SMYD3: variants seen among roughly 807,000 people sequenced by gnomAD.
The protein encoded by SMYD3 is histone-lysine N-methyltransferase SMYD3.
In SMYD3, 36 loss-of-function variants were observed where a neutral mutation model predicts 57.7. The ratio of observed to expected loss-of-function variants is 0.62; its 90% CI spans 0.48 to 0.82. The LOEUF (loss-of-function observed/expected upper bound fraction) is 0.82, where lower values mean the gene tolerates loss of function less well. Ranked by LOEUF, SMYD3 falls within the 40% of genes least tolerant of loss-of-function variation. The pLI is 0.00. For missense variants in SMYD3, 515 were observed against 538.8 expected, an observed-to-expected ratio of 0.96 and a Z score of 0.44; for synonymous variants, 211 against 195.0, an observed-to-expected ratio of 1.08 and a Z score of -0.68.
At position 245,920,129 on chromosome 1, in the gene SMYD3, C is replaced by T. The variant is rs113004577; in HGVS notation, c.703-4489G>A. The stretch of plus-strand genomic sequence containing the variant: ...GAGATTGAGACCATCCTGGCTAACA[C>T]GGTGAAACCCCGTCTCTACTAAAAA... On this transcript the variant is annotated intron_variant, in intron 7 of 11. Transcript: ENST00000490107. Among the ~76,000 whole-genome samples the T allele has an allele frequency of 4.6e-3, 692 of 151,976 alleles. 8 individuals are homozygous for T. The highest frequency in any genetic ancestry group is 6.1e-3 in the African/African-American group (254 of 41,452).
intron 1 of SMYD3, among the ~76,000 whole-genome samples, chr1:246,501,988 C>T (rs1440173871): frequency 6.6e-6 from 1 of 152,192 alleles, no homozygotes; most frequent in African/African-American, 2.4e-5. Context: ...CTTCTTCTTA[C>T]CCTCATATAT....
At chr1:246,457,217 A>G (rs2067710972) in intron 1 of SMYD3, among the ~76,000 whole-genome samples, 1 of 152,192 alleles carries the variant, frequency 6.6e-6, no homozygotes, top group Admixed American at 6.5e-5. Flanking sequence ...AAGGGTAAGA[A>G]TAGAGAAAAA....
At chr1:246,470,547 T>A (rs1049857860) in intron 1 of SMYD3, among the ~76,000 whole-genome samples, 2 of 148,264 alleles carry the variant, frequency 1.3e-5, no homozygotes, top group Admixed American at 6.7e-5. Flanking sequence ...TATATACACA[T>A]ACATACACTA....
chr1:246,023,942 TA>T (rs2059525230), intron 5 of SMYD3, among the ~76,000 whole-genome samples: 1 of 151,952 alleles, frequency 6.6e-6, no homozygotes. Context: ...ATGATTTGGT[TA>T]AAAAAATAAA....
At chr1:246,320,853 A>G (rs1318155169) in intron 5 of SMYD3, among the ~76,000 whole-genome samples, 2 of 152,236 alleles carry the variant, frequency 1.3e-5, no homozygotes, top group African/African-American at 4.8e-5. Flanking sequence ...TAGAATAGAG[A>G]AATACAATAC....
chr1:246,076,235 G>A (rs189133780), intron 5 of SMYD3, among the ~76,000 whole-genome samples: 48 of 152,142 alleles, frequency 3.2e-4, no homozygotes, highest in African/African-American at 8.9e-4. Flanking sequence ...TACCAAACCC[G>A]TCTCTACTTC....
At chr1:246,041,235 T>C (rs142256026) in intron 5 of SMYD3, among the ~76,000 whole-genome samples, 26 of 152,228 alleles carry the variant, frequency 1.7e-4, no homozygotes, top group African/African-American at 5.8e-4. Context: ...AGCTATGAAG[T>C]TGCCTGAAGA....
rs559925910 is a variant in SMYD3 at position 245,999,871 on chromosome 1, A to G, written c.532-69934T>C. ...AAATCTGCTTTAAAATCCTGGCTCA[A>G]TGACTTACTTTGCTTACTTCTTCAT... On this transcript the variant is annotated intron_variant, in intron 5 of 11. Coordinates refer to ENST00000490107, the MANE Select transcript of SMYD3 (RefSeq NM_001167740.2). Among the ~76,000 whole-genome samples, 17 of 152,328 alleles carry G rather than the reference A, an allele frequency of 1.1e-4. No individual in the cohort carries two copies. In the South Asian group the frequency reaches 2.3e-3, roughly 20 times the overall value.
In SMYD3 at chr1:246,433,824, A is replaced by G. The variant is rs145365949; in HGVS notation, c.164+73230T>C. Among the ~76,000 whole-genome samples the G allele has an allele frequency of 1.8e-4, 27 of 152,310 alleles. No individual in the cohort carries two copies. In the East Asian group the frequency reaches 5.2e-3, roughly 29 times the overall value. ...CCCAAAGGATTGCCCAAGCGATTCT[A>G]AGCAAAAGGAACAAAGCCAGAGGCA... On this transcript the variant is annotated intron_variant, in intron 1 of 11. Coordinates refer to ENST00000490107, the MANE Select transcript of SMYD3 (RefSeq NM_001167740.2).
chr1:246,043,344 T>C (rs2148300541), intron 5 of SMYD3, among the ~76,000 whole-genome samples: 1 of 152,346 alleles, frequency 6.6e-6, no homozygotes, highest in South Asian at 2.1e-4. Flanking sequence ...ATTAAAATGC[T>C]CATATGTTCT....
intron 5 of SMYD3, among the ~76,000 whole-genome samples, chr1:246,075,704 G>A (rs1405809834): frequency 6.6e-6 from 1 of 152,126 alleles, no homozygotes; most frequent in East Asian, 1.9e-4. Context: ...ACGTAGGGAA[G>A]TATAAAAGAC....
At chr1:246,307,641 G>T (rs1026750416) in intron 5 of SMYD3, among the ~76,000 whole-genome samples, 9 of 151,878 alleles carry the variant, frequency 5.9e-5, no homozygotes, top group East Asian at 1.9e-4. Flanking sequence ...GGATGGTCTC[G>T]ATCTCCTGAC....
intron 11 of SMYD3, among the ~76,000 whole-genome samples, chr1:245,752,853 G>T (rs1307216910): frequency 6.6e-6 from 1 of 152,176 alleles, no homozygotes; most frequent in Admixed American, 6.5e-5. Context: ...GGAAGGAAGT[G>T]CTTCCTGAGG....
At chr1:246,326,995 A>C in intron 5 of SMYD3, 1 of 582,420 alleles carries the variant, frequency 1.7e-6, no homozygotes, top group Non-Finnish European at 3.0e-6. Context: ...CAATAACAAG[A>C]ATATTAATCA....
intron 1 of SMYD3, among the ~76,000 whole-genome samples, chr1:246,482,000 T>C (rs932034684): frequency 2.0e-5 from 3 of 151,010 alleles, no homozygotes; most frequent in Admixed American, 6.6e-5. Context: ...CTACTAAAAA[T>C]AAACAAAATT....
chr1:246,212,135 GC>G (rs1289117295), intron 5 of SMYD3, among the ~76,000 whole-genome samples: 1 of 152,004 alleles, frequency 6.6e-6, no homozygotes, highest in Non-Finnish European at 1.5e-5. Flanking sequence ...AAGACACAGG[GC>G]TGGTAAACTA....
chr1:246,020,910 C>G (rs976035724), intron 5 of SMYD3, among the ~76,000 whole-genome samples: 1 of 152,142 alleles, frequency 6.6e-6, no homozygotes, highest in African/African-American at 2.4e-5. Context: ...TAGCATCAAA[C>G]CTACATCTCC....
At chr1:246,284,218 G>C (rs1237367120) in intron 5 of SMYD3, among the ~76,000 whole-genome samples, 1 of 152,166 alleles carries the variant, frequency 6.6e-6, no homozygotes, top group Non-Finnish European at 1.5e-5. Context: ...AAGTGCTGCA[G>C]TACTTCTGCA....
At chr1:246,506,978 G>GCCCCCCCCCCC in intron 1 of SMYD3, 76 bp downstream of exon 1, 4 of 1,174,502 alleles carry the variant, frequency 3.4e-6, no homozygotes, top group Non-Finnish European at 3.4e-6. Flanking sequence ...CGCGGCTGCC[G>GCCCCCCCCCCC]GCCGCCCGAC....
Sources: gnomAD v4.1 joint callset for allele counts (sites outside exome capture counted in the v4.1 genomes callset) on GRCh38, gnomAD v4.1.1 for gene constraint, MANE v1.5 for transcripts, NCBI Gene and HGNC (gene_info 2026-07-23, HGNC 2026-07-21) for gene names.